The following MARCHF1 variants were observed in gnomAD, a reference collection of about 807,000 sequenced individuals.
The protein encoded by MARCHF1 is membrane associated ring-CH-type finger 1.
A neutral mutation model predicts 54.2 loss-of-function variants in MARCHF1; 40 were observed. The ratio of observed to expected loss-of-function variants is 0.74; its 90% confidence interval spans 0.57 to 0.96. MARCHF1 has a LOEUF of 0.96. Ranked by LOEUF, MARCHF1 falls within the 40% of genes least tolerant of loss-of-function variation. The probability of loss-of-function intolerance (pLI) is 0.00; values close to 1 mark genes in which losing one functional copy is unlikely to be tolerated. For missense variants in MARCHF1, 586 were observed against 656.5 expected, an observed-to-expected ratio of 0.89 and a Z score of 1.17; for synonymous variants, 236 against 236.3, an observed-to-expected ratio of 1.00 and a Z score of 0.01.
chr4:164,074,363 G>T (rs1347072297), intron 2 of MARCHF1, among the ~76,000 whole-genome samples: 2 of 152,090 alleles, frequency 1.3e-5, no homozygotes, highest in East Asian at 3.9e-4. Flanking sequence ...TCAAGTGGTT[G>T]GTTGTCCATT....
intron 1 of MARCHF1, among the ~76,000 whole-genome samples, chr4:164,176,726 TATC>T (rs1386233533): frequency 2.6e-5 from 4 of 151,680 alleles, no homozygotes; most frequent in African/African-American, 9.7e-5. Flanking sequence ...CTCATGGAAA[TATC>T]ATCATTAGAT....
rs529995984 is a variant in MARCHF1 at position 164,271,611 on chromosome 4, T to A, written c.-323+112259A>T. 1.7e-3 allele frequency among the ~76,000 whole-genome samples: 263 copies of A among 152,248 alleles called. 1 individual carries two copies. Among genetic ancestry groups the A allele is most frequent in the African/African-American group, 6.0e-3 (250 of 41,544 alleles). ...TTTAGGTCACTTAGTTTGTAGAAAT[T>A]TGTTACAGCAGTAATAGAACAAGTG... On this transcript the variant is annotated intron_variant, in intron 1 of 9. Transcript: ENST00000514618.
At chr4:164,190,042 A>G in intron 1 of MARCHF1, 1 of 1,344,560 alleles carries the variant, frequency 7.4e-7, no homozygotes, top group African/African-American at 1.4e-5. Flanking sequence ...AAGCTCAAGG[A>G]GTGCATTGAT....
At chr4:163,747,224 G>T (rs977885263) in intron 4 of MARCHF1, among the ~76,000 whole-genome samples, 1 of 152,180 alleles carries the variant, frequency 6.6e-6, no homozygotes, top group African/African-American at 2.4e-5. Flanking sequence ...TCTCCTTTGA[G>T]AATTTGTAAC....
chr4:164,131,043 G>T (rs1196479180), intron 1 of MARCHF1, among the ~76,000 whole-genome samples: 1 of 152,118 alleles, frequency 6.6e-6, no homozygotes, highest in Admixed American at 6.6e-5. Flanking sequence ...TAAACCATGT[G>T]AAAATCAAGT....
At chr4:163,807,169 C>T (rs1476702372) in intron 4 of MARCHF1, among the ~76,000 whole-genome samples, 1 of 152,032 alleles carries the variant, frequency 6.6e-6, no homozygotes, top group Non-Finnish European at 1.5e-5. Context: ...AAGAGGAGCA[C>T]GGAAGTCTCC....
chr4:163,611,532 TA>T (rs766921480), intron 7 of MARCHF1, among the ~76,000 whole-genome samples: 2 of 152,152 alleles, frequency 1.3e-5, no homozygotes, highest in Admixed American at 6.6e-5. Context: ...TGTACAAATA[TA>T]TTTTTTTGTT....
intron 5 of MARCHF1, among the ~76,000 whole-genome samples, chr4:163,635,857 C>G (rs980275898): frequency 6.6e-6 from 1 of 152,112 alleles, no homozygotes; most frequent in Non-Finnish European, 1.5e-5. Flanking sequence ...AAAATACTGG[C>G]AAAACGAATC....
At chr4:163,762,362 T>C (rs1746851804) in intron 4 of MARCHF1, among the ~76,000 whole-genome samples, 1 of 152,138 alleles carries the variant, frequency 6.6e-6, no homozygotes, top group African/African-American at 2.4e-5. Context: ...AAAATCATTA[T>C]AAATATGTCT....
intron 5 of MARCHF1, among the ~76,000 whole-genome samples, chr4:163,692,609 G>A (rs1276087201): frequency 1.4e-5 from 2 of 143,146 alleles, no homozygotes; most frequent in East Asian, 2.3e-4. Flanking sequence ...AAGAATTTAT[G>A]TTTTATTTCA....
chr4:163,973,503 G>T (rs1165663244), intron 3 of MARCHF1, among the ~76,000 whole-genome samples: 5 of 152,328 alleles, frequency 3.3e-5, no homozygotes, highest in African/African-American at 1.2e-4. Flanking sequence ...GGCTCAGCTT[G>T]CATTATTTTT....
At chr4:163,632,931 A>C (rs1254428666) in intron 5 of MARCHF1, among the ~76,000 whole-genome samples, 48 of 152,116 alleles carry the variant, frequency 3.2e-4, no homozygotes, top group African/African-American at 5.3e-4. Context: ...TCAAGTGGGT[A>C]CCTGACCCCT....
chr4:163,913,364 G>T (rs1751237875), intron 3 of MARCHF1, among the ~76,000 whole-genome samples: 1 of 152,128 alleles, frequency 6.6e-6, no homozygotes, highest in African/African-American at 2.4e-5. Flanking sequence ...TAATACAACT[G>T]CCCTGGCTTT....
chr4:164,222,996 G>A (rs989221549), intron 1 of MARCHF1, among the ~76,000 whole-genome samples: 5 of 151,940 alleles, frequency 3.3e-5, no homozygotes, highest in Admixed American at 1.3e-4. Context: ...CTTCTTAAAC[G>A]GCAGCAGGGA....
intron 1 of MARCHF1, among the ~76,000 whole-genome samples, chr4:164,266,523 G>C (rs1324201126): frequency 1.3e-5 from 2 of 152,180 alleles, no homozygotes; most frequent in Non-Finnish European, 2.9e-5. Context: ...CTAATCCACA[G>C]AGTTCATTCT....
rs554081029 is a variant in MARCHF1, at chr4:163,832,663, T to C, written c.111+21358A>G. Reference sequence around the variant, plus strand: ...TGCAGGTTAGTTACATATGTATACATGTGCCATGTTGGTGTGTTGCACCCA... The same window carrying C: ...TGCAGGTTAGTTACATATGTATACACGTGCCATGTTGGTGTGTTGCACCCA... On this transcript the variant is annotated intron_variant, in intron 4 of 9. Coordinates refer to ENST00000514618, the MANE Select transcript of MARCHF1 (RefSeq NM_001394959.1). Among the ~76,000 whole-genome samples, 322 of 151,364 alleles carry C rather than the reference T, an allele frequency of 2.1e-3. 2 individuals carry two copies. The highest frequency in any genetic ancestry group is 7.5e-3 in the African/African-American group (310 of 41,320).
At chr4:163,719,158 C>G (rs1159021635) in intron 4 of MARCHF1, among the ~76,000 whole-genome samples, 1 of 151,964 alleles carries the variant, frequency 6.6e-6, no homozygotes, top group Non-Finnish European at 1.5e-5. Context: ...TTAGGTATAT[C>G]TCCTAATGCT....
chr4:163,979,162 C>A (rs1752708796), intron 3 of MARCHF1, among the ~76,000 whole-genome samples: 1 of 38,198 alleles, frequency 2.6e-5, no homozygotes, highest in Non-Finnish European at 4.8e-5. Flanking sequence ...CCAATGCTAT[C>A]CCCCCCCCTC....
At chr4:163,772,769 C>CTTTTAAAATAAATTGTCCCTTACTA (rs57632144) in intron 4 of MARCHF1, among the ~76,000 whole-genome samples, 1 of 151,990 alleles carries the variant, frequency 6.6e-6, no homozygotes, top group Non-Finnish European at 1.5e-5. Flanking sequence ...ACCCCCCTTT[C>CTTTTAAAATAAATTGTCCCTTACTA]TCATCTCAGC....
Sources: gnomAD v4.1 joint callset for allele counts (sites outside exome capture counted in the v4.1 genomes callset) on GRCh38, gnomAD v4.1.1 for gene constraint, MANE v1.5 for transcripts, NCBI Gene and HGNC (gene_info 2026-07-23, HGNC 2026-07-21) for gene names.